Variants in CDIN1 observed in about 807,000 individuals in gnomAD.
CDIN1 encodes CDAN1 interacting nuclease 1.
Under a neutral mutation model 45.3 loss-of-function variants are expected in CDIN1, and 33 were observed. The observed-to-expected ratio is 0.73, with a 90% confidence interval of 0.55 to 0.97. The LOEUF is 0.97. CDIN1 is among the 50% of genes least tolerant of loss of function. The pLI is 0.00. For synonymous variants in CDIN1, 118 were observed against 124.4 expected (o/e 0.95, Z 0.34); for missense variants, 303 against 339.4 (o/e 0.89, Z 0.84).
intron 10 of CDIN1, among the ~76,000 whole-genome samples, chr15:36,727,796 C>G (rs879277603): frequency 2.6e-5 from 4 of 152,112 alleles, no homozygotes; most frequent in Non-Finnish European, 4.4e-5. Context: ...TCTTAACTCT[C>G]TCTGTGAGAA....
At chr15:36,599,298 G>T (rs2037989593) in intron 1 of CDIN1, among the ~76,000 whole-genome samples, 1 of 152,114 alleles carries the variant, frequency 6.6e-6, no homozygotes, top group South Asian at 2.1e-4. Context: ...AACACTAAAT[G>T]AAAGTAAAAT....
intron 8 of CDIN1, among the ~76,000 whole-genome samples, chr15:36,698,682 A>G (rs2042525134): frequency 6.6e-6 from 1 of 152,200 alleles, no homozygotes; most frequent in Non-Finnish European, 1.5e-5. Context: ...GTCATGGCCA[A>G]GTCTATTTTT....
At chr15:36,624,979 T>C (rs2039354184) in intron 1 of CDIN1, among the ~76,000 whole-genome samples, 2 of 152,050 alleles carry the variant, frequency 1.3e-5, no homozygotes, top group African/African-American at 2.4e-5. Context: ...ATTTAAATGG[T>C]TTTAAAAAGT....
chr15:36,709,667 A>T (rs1484409098), intron 9 of CDIN1, among the ~76,000 whole-genome samples, 189 bp from the exon 10 acceptor site: 2 of 152,140 alleles, frequency 1.3e-5, no homozygotes, highest in East Asian at 1.9e-4. Context: ...AATCAAAGGG[A>T]TATGATTGTC....
chr15:36,594,929 C>T (rs1348237728), intron 1 of CDIN1: 25 of 984,030 alleles, frequency 2.5e-5, no homozygotes, highest in Non-Finnish European at 2.9e-5. Context: ...GTAAGTTCAT[C>T]TGTTTTTATG....
At chr15:36,634,042 A>G (rs2039793849) in intron 1 of CDIN1, among the ~76,000 whole-genome samples, 1 of 152,060 alleles carries the variant, frequency 6.6e-6, no homozygotes, top group South Asian at 2.1e-4. Flanking sequence ...GTGAGCCACC[A>G]TGCCCAACCC....
intron 10 of CDIN1, among the ~76,000 whole-genome samples, chr15:36,769,820 G>A (rs1297186630): frequency 1.3e-5 from 2 of 152,090 alleles, no homozygotes; most frequent in Admixed American, 1.3e-4. Context: ...AAAACGCAAC[G>A]AGCCCTGGGG....
At chr15:36,779,184 A>C (rs1000269602) in intron 10 of CDIN1, among the ~76,000 whole-genome samples, 19 of 152,206 alleles carry the variant, frequency 1.2e-4, no homozygotes, top group African/African-American at 4.6e-4. Context: ...CGGGGCTTCA[A>C]GGAAACCACT....
At chr15:36,613,912 G>A in intron 1 of CDIN1, 1 of 1,547,578 alleles carries the variant, frequency 6.5e-7, no homozygotes, top group Admixed American at 1.7e-5. Flanking sequence ...AGAATGAGCT[G>A]AGCTGGCAGA....
At chr15:36,787,271 T>C (rs1011480636) in intron 10 of CDIN1, among the ~76,000 whole-genome samples, 1 of 152,160 alleles carries the variant, frequency 6.6e-6, no homozygotes, top group Non-Finnish European at 1.5e-5. Flanking sequence ...TCTTATATCC[T>C]TCTTCTCATC....
At chr15:36,660,499 G>C (rs1159804364) in intron 5 of CDIN1, among the ~76,000 whole-genome samples, 1 of 152,062 alleles carries the variant, frequency 6.6e-6, no homozygotes, top group Non-Finnish European at 1.5e-5. Context: ...AATAGCATGG[G>C]ACATATAAGC....
At chr15:36,779,705 T>C (rs1328999311) in intron 10 of CDIN1, among the ~76,000 whole-genome samples, 2 of 152,220 alleles carry the variant, frequency 1.3e-5, no homozygotes, top group African/African-American at 4.8e-5. Flanking sequence ...TCTTAGCACC[T>C]GCACTTATTA....
At chr15:36,732,551 A>C (rs1209811286) in intron 10 of CDIN1, among the ~76,000 whole-genome samples, 1 of 152,130 alleles carries the variant, frequency 6.6e-6, no homozygotes, top group Non-Finnish European at 1.5e-5. Flanking sequence ...AAAGAGATAC[A>C]TACAAAAATA....
chr15:36,629,746 TG>T (rs956267434), intron 1 of CDIN1, among the ~76,000 whole-genome samples: 1 of 152,210 alleles, frequency 6.6e-6, no homozygotes, highest in Non-Finnish European at 1.5e-5. Flanking sequence ...AACAAATTAT[TG>T]AATTTGAAGT....
At chr15:36,735,295 A>T (rs999844825) in intron 10 of CDIN1, among the ~76,000 whole-genome samples, 1 of 152,168 alleles carries the variant, frequency 6.6e-6, no homozygotes, top group Non-Finnish European at 1.5e-5. Flanking sequence ...TAATTAAAGC[A>T]TTAATCACTA....
chr15:36,689,679 A>G (rs1316778114), intron 5 of CDIN1, among the ~76,000 whole-genome samples: 1 of 152,192 alleles, frequency 6.6e-6, no homozygotes, highest in East Asian at 1.9e-4. Flanking sequence ...TCCCAGGCAC[A>G]TTATTTTTTT....
intron 5 of CDIN1, among the ~76,000 whole-genome samples, chr15:36,677,925 T>C (rs1022195033): frequency 3.3e-5 from 5 of 152,228 alleles, no homozygotes; most frequent in Admixed American, 6.5e-5. Flanking sequence ...ATTGGTGGCA[T>C]ATAGCGGCTA....
intron 4 of CDIN1, among the ~76,000 whole-genome samples, chr15:36,656,999 A>G (rs143532736): frequency 1.3e-5 from 2 of 152,268 alleles, no homozygotes; most frequent in East Asian, 3.9e-4. Flanking sequence ...GTGTGTTCCT[A>G]TTTTTTGGTG....
chr15:36,711,695 T>A (rs1271869660), intron 10 of CDIN1, among the ~76,000 whole-genome samples: 2 of 152,170 alleles, frequency 1.3e-5, no homozygotes, highest in African/African-American at 4.8e-5. Flanking sequence ...ATTTAGGGCA[T>A]GATGTGTGAT....
Sources: allele counts gnomAD v4.1 joint callset (sites outside exome capture counted in the v4.1 genomes callset), GRCh38; gene constraint gnomAD v4.1.1; transcripts MANE v1.5; gene names NCBI Gene and HGNC (gene_info 2026-07-23, HGNC 2026-07-21).